Variants in USP8 observed in about 807,000 individuals in gnomAD.
USP8 encodes ubiquitin specific peptidase 8.
A neutral mutation model predicts 130.0 loss-of-function variants in USP8; 27 were observed. The ratio of observed to expected loss-of-function variants is 0.21; its 90% confidence interval spans 0.15 to 0.29. USP8 has a LOEUF of 0.29. Among genes scored for constraint, USP8 ranks in the 10% least tolerant of loss-of-function variants. The probability of loss-of-function intolerance (pLI) is 1.00; values close to 1 mark genes in which losing one functional copy is unlikely to be tolerated. For missense variants in USP8, 1,029 were observed against 1,312.2 expected, an observed-to-expected ratio of 0.78 and a Z score of 3.33; for synonymous variants, 392 against 444.1, an observed-to-expected ratio of 0.88 and a Z score of 1.48.
chr15:50,427,413 G>T (rs2049773442), intron 1 of USP8, among the ~76,000 whole-genome samples: 1 of 152,058 alleles, frequency 6.6e-6, no homozygotes, highest in African/African-American at 2.4e-5. Context: ...GGTATTGGGA[G>T]TGATTTACGG....
At chr15:50,445,137 AT>A (rs1019368766) in intron 3 of USP8, among the ~76,000 whole-genome samples, 1 of 152,110 alleles carries the variant, frequency 6.6e-6, no homozygotes, top group African/African-American at 2.4e-5. Context: ...GAGGTGCTAA[AT>A]TTACTAACAA....
At chr15:50,493,836 G>T (rs2052270723) in intron 15 of USP8, 1 of 664,564 alleles carries the variant, frequency 1.5e-6, no homozygotes, top group South Asian at 1.5e-5. Flanking sequence ...ATGAACTGGA[G>T]CCTGTTGATG....
At chr15:50,455,784 A>C (rs1171571632) in intron 4 of USP8, among the ~76,000 whole-genome samples, 4 of 152,102 alleles carry the variant, frequency 2.6e-5, no homozygotes. Context: ...CAATTCTTCT[A>C]AACTTAGCTG....
chr15:50,473,699 A>G (rs905212197), intron 8 of USP8, among the ~76,000 whole-genome samples: 4 of 151,738 alleles, frequency 2.6e-5, no homozygotes, highest in African/African-American at 4.8e-5. Context: ...AGGTATTGCT[A>G]TGTTGCCCAG....
chr15:50,427,740 G>C (rs1174651191), intron 1 of USP8, among the ~76,000 whole-genome samples: 1 of 151,702 alleles, frequency 6.6e-6, no homozygotes, highest in African/African-American at 2.4e-5. Context: ...TTGTATTTTA[G>C]TAGAGATGGG....
intron 6 of USP8, 47 bp from the exon 7 acceptor site, chr15:50,465,000 A>C (rs1247600524): frequency 1.9e-6 from 3 of 1,603,524 alleles, no homozygotes; most frequent in Non-Finnish European, 2.6e-6. Context: ...ATGTCAGCAC[A>C]TCTTGTGCTG....
intron 1 of USP8, among the ~76,000 whole-genome samples, chr15:50,436,313 C>T (rs556192144): frequency 1.3e-5 from 2 of 150,028 alleles, no homozygotes; most frequent in African/African-American, 4.8e-5. Flanking sequence ...CCTTCCCCCA[C>T]CAAGACTCAA....
Position 50,508,412 on chromosome 15 carries a change from G to A in USP8, c.*9324G>A, listed in dbSNP as rs1480668504. 1 of 152,144 alleles carries A rather than the reference G, an allele frequency of 6.6e-6. No individual in the cohort carries two copies. Among genetic ancestry groups the A allele is most frequent in the Non-Finnish European group, 1.5e-5 (1 of 68,024 alleles). 9.4% of individuals were successfully genotyped at this position (152,144 alleles called of 1,614,324 possible). Reference sequence around the variant, plus strand: ...TCAGCAAGCTAGTTGATGGATGCATGGCGGTTTGTTATGCTGTCCAATTTT... The same window carrying A: ...TCAGCAAGCTAGTTGATGGATGCATAGCGGTTTGTTATGCTGTCCAATTTT... On this transcript the variant is annotated 3_prime_UTR_variant, in exon 20 of 20. Coordinates refer to ENST00000307179, the MANE Select transcript of USP8 (RefSeq NM_005154.5).
chr15:50,484,341 G>T lies in USP8; in HGVS notation c.1870G>T (p.Asp624Tyr). The T allele has an allele frequency of 6.2e-7, 1 of 1,611,314 alleles. No homozygotes were observed. Among genetic ancestry groups the T allele is most frequent in the South Asian group, 1.1e-5 (1 of 90,548 alleles). Residue 624 changes from aspartate to tyrosine, a missense_variant, in exon 12 of 20, where the codon GAC (aspartate) becomes TAC (tyrosine). Coordinates refer to ENST00000307179, the MANE Select transcript of USP8 (RefSeq NM_005154.5). ...LRTGTFREDTDDTERNKAQRE... is the reference protein window; with the variant it reads ...LRTGTFREDTYDTERNKAQRE... The stretch of plus-strand genomic sequence containing the variant: ...GACAGGAACTTTTAGAGAGGATACA[G>T]ACGATACCGAAAGAAATAAAGTAAG...
chr15:50,448,383 G>A (rs2050507650), intron 3 of USP8, among the ~76,000 whole-genome samples: 1 of 152,100 alleles, frequency 6.6e-6, no homozygotes, highest in African/African-American at 2.4e-5. Context: ...TCTGATTGTA[G>A]TATCTAATGA....
At position 50,490,455 on chromosome 15, in the gene USP8, A is replaced by G. The variant is rs1346795056; in HGVS notation, c.2164A>G (p.Ile722Val). The G allele has an allele frequency of 1.2e-6, 2 of 1,614,236 alleles. No homozygotes were observed. Among genetic ancestry groups the G allele is most frequent in the African/African-American group, 1.3e-5 (1 of 75,054 alleles). Residue 722 changes from isoleucine to valine, a missense_variant, in exon 14 of 20, where the codon ATA becomes GTA. Ile to Val is a conservative substitution (Grantham distance 29, BLOSUM62 3). Transcript: ENST00000307179. ...GAAGCGCTCCTACTCCTCCCCAGAT[A>G]TAACCCAGGCTATTCAAGAGGAAGA... is the stretch of plus-strand genomic sequence containing the variant. ...KLKRSYSSPDITQAIQEEEKR... is the reference protein window; with the variant it reads ...KLKRSYSSPDVTQAIQEEEKR...
intron 1 of USP8, among the ~76,000 whole-genome samples, chr15:50,431,948 G>T (rs1427468462): frequency 6.6e-6 from 1 of 152,184 alleles, no homozygotes; most frequent in Non-Finnish European, 1.5e-5. Flanking sequence ...CAGCCACCAT[G>T]CCCAGCCAGA....
At chr15:50,445,391 C>CGTAAA (rs1204672093) in intron 3 of USP8, among the ~76,000 whole-genome samples, 5 of 146,948 alleles carry the variant, frequency 3.4e-5, no homozygotes, top group Non-Finnish European at 4.5e-5. Context: ...ACTAAAAATA[C>CGTAAA]AAAAATTAGC....
chr15:50,498,553 G>GTATC (rs1448982022), intron 18 of USP8, 43 bp from the exon 19 acceptor site: 1 of 1,549,620 alleles, frequency 6.5e-7, no homozygotes, highest in Non-Finnish European at 8.7e-7. Context: ...ATTCATCCTG[G>GTATC]TATCTTCCTC....
chr15:50,490,836 G>C (rs376681235), intron 14 of USP8, among the ~76,000 whole-genome samples: 1 of 152,226 alleles, frequency 6.6e-6, no homozygotes, highest in East Asian at 1.9e-4. Context: ...TGTGGTCCCG[G>C]AATCTCCCTT....
intron 10 of USP8, among the ~76,000 whole-genome samples, chr15:50,478,695 T>C (rs2051656921): frequency 6.6e-6 from 1 of 152,252 alleles, no homozygotes; most frequent in African/African-American, 2.4e-5. Context: ...AATCCTTTTG[T>C]GTCCCAACAT....
rs371017236 is a variant in USP8 at position 50,459,575 on chromosome 15, C to T, written c.498+413C>T. On this transcript the variant is annotated intron_variant, in intron 5 of 19. Coordinates refer to ENST00000307179, the MANE Select transcript of USP8 (RefSeq NM_005154.5). ...CTCCAGCCTGGGCAACAGAGCAACA[C>T]TCTTGTCTCAAAAAAAAAGAAAAGA... Among the ~76,000 whole-genome samples the T allele has an allele frequency of 2.3e-4, 35 of 152,222 alleles. No individual in the cohort carries two copies. In the East Asian group the frequency reaches 5.8e-3, roughly 25 times the overall value.
chr15:50,460,419 A>G (rs1395277784), intron 5 of USP8, among the ~76,000 whole-genome samples: 1 of 137,688 alleles, frequency 7.3e-6, no homozygotes, highest in African/African-American at 2.8e-5. Flanking sequence ...TAATTCTCCT[A>G]GGCTTCAGCC....
intron 4 of USP8, among the ~76,000 whole-genome samples, chr15:50,455,997 T>C (rs1307410306): frequency 6.6e-6 from 1 of 152,218 alleles, no homozygotes; most frequent in African/African-American, 2.4e-5. Flanking sequence ...TTCTTTCAAG[T>C]GTCAACCCCC....
Sources: allele counts gnomAD v4.1 joint callset (sites outside exome capture counted in the v4.1 genomes callset), GRCh38; gene constraint gnomAD v4.1.1; transcripts MANE v1.5; gene names NCBI Gene and HGNC (gene_info 2026-07-23, HGNC 2026-07-21).